The following PPOX variants were observed in gnomAD, a reference collection of about 807,000 sequenced individuals.
The protein encoded by PPOX is variegate porphyria.
In PPOX, 23 loss-of-function variants were observed where a neutral mutation model predicts 54.1. That is an observed-to-expected ratio of 0.43 (90% CI 0.31 to 0.60). The LOEUF is 0.60. Ranked by LOEUF, PPOX falls within the 20% of genes least tolerant of loss-of-function variation. The pLI, the probability that PPOX is intolerant of heterozygous loss-of-function variation, is 0.13. For synonymous variants in PPOX, 224 were observed against 236.1 expected (o/e 0.95, Z 0.47); for missense variants, 512 against 601.1 (o/e 0.85, Z 1.55).
At chr1:161,175,196 G>A (rs1663050042), downstream of PPOX, 4 of 1,613,758 alleles carry the variant, frequency 2.5e-6, no homozygotes, top group Non-Finnish European at 3.4e-6. Flanking sequence ...GCCAGTGATG[G>A]CACTGGGCTA....
In PPOX at chr1:161,168,094, G is replaced by A; in HGVS notation, c.438G>A (p.Val146=). ...KPRGKEPDET[V]HSFAQRRLGP... The stretch of plus-strand genomic sequence containing the variant: ...GGGGCAAAGAGCCTGATGAGACTGT[G>A]CACAGTTTTGCCCAGCGCCGCCTTG... The change falls in exon 5 of 13, where the codon GTG becomes GTA. Residue 146 remains valine (V), a synonymous_variant. Transcript: ENST00000367999. The A allele has an allele frequency of 6.2e-7, 1 of 1,614,152 alleles. No homozygotes were observed. The highest frequency in any genetic ancestry group is 8.5e-7 in the Non-Finnish European group (1 of 1,180,034).
downstream of PPOX, chr1:161,175,340 C>G: frequency 1.1e-6 from 1 of 924,272 alleles, no homozygotes; most frequent in Non-Finnish European, 1.6e-6. Context: ...GCTTAGTTCT[C>G]AGGGCTCACT....
intron 7 of PPOX, 96 bp downstream of exon 7, chr1:161,169,279 A>C: frequency 6.9e-7 from 1 of 1,443,436 alleles, no homozygotes. Context: ...GGAGTTCCTC[A>C]TTGTTTTTGT....
downstream of PPOX, chr1:161,173,495 G>A (rs544601861): frequency 1.6e-5 from 24 of 1,501,356 alleles, no homozygotes; most frequent in South Asian, 2.9e-4. Flanking sequence ...TGGGCTCAGT[G>A]CAGGACCAGG....
chr1:161,166,471 G>T lies in PPOX; in HGVS notation c.-210G>T. On this transcript the variant is annotated 5_prime_UTR_variant, in exon 1 of 13. Transcript: ENST00000367999. The stretch of plus-strand genomic sequence containing the variant: ...CGAAAAGGCTGGGGGTGGGAGTAGC[G>T]GATTTGAAGCACTTGTTGGCCTACA... 1 of 1,238,752 alleles carries T rather than the reference G, an allele frequency of 8.1e-7. No homozygotes were observed. The highest frequency in any genetic ancestry group is 1.0e-6 in the Non-Finnish European group (1 of 977,434). The allele number at this position is 1,238,752 out of a possible 1,614,324, so 76.7% of individuals were successfully genotyped here.
downstream of PPOX, among the ~76,000 whole-genome samples, chr1:161,174,402 C>CAA (rs554703903): frequency 5.4e-5 from 3 of 55,738 alleles, no homozygotes; most frequent in Admixed American, 1.9e-4. Flanking sequence ...AGTGAGATCT[C>CAA]AAAAAAAAAA....
downstream of PPOX, chr1:161,173,869 A>T: frequency 6.2e-7 from 1 of 1,613,694 alleles, no homozygotes; most frequent in Non-Finnish European, 8.5e-7. Flanking sequence ...CTGTATCCAA[A>T]CTTGTTCATA....
downstream of PPOX, chr1:161,171,281 G>T: frequency 6.4e-7 from 1 of 1,573,814 alleles, no homozygotes; most frequent in African/African-American, 1.3e-5. Context: ...GAGGCAAAGT[G>T]TGCCTGGGAT....
At chr1:161,169,592 A>G (rs1388074687) in intron 7 of PPOX, 68 bp from the exon 8 acceptor site, 4 of 1,513,376 alleles carry the variant, frequency 2.6e-6, no homozygotes. Context: ...AGAGTGAGGC[A>G]CCAGAAGTCT....
downstream of PPOX, chr1:161,177,089 T>G (rs1474759217): frequency 2.5e-5 from 36 of 1,468,502 alleles, no homozygotes; most frequent in African/African-American, 7.3e-5. Flanking sequence ...CTAGCGGGGG[T>G]GGGGAGGAGG....
chr1:161,166,584 T>C lies in PPOX; in HGVS notation c.-97T>C, dbSNP rs907513672. Reference sequence around the variant, plus strand: ...GGGCCGATAGCGAGGGTGTGGCCCTTATCTGCACCCAGCAGAGCGCCGGCG... The same window carrying C: ...GGGCCGATAGCGAGGGTGTGGCCCTCATCTGCACCCAGCAGAGCGCCGGCG... On this transcript the variant is annotated 5_prime_UTR_variant, in exon 1 of 13. Coordinates refer to ENST00000367999, the MANE Select transcript of PPOX (RefSeq NM_001122764.3). The C allele has an allele frequency of 2.1e-6, 3 of 1,423,978 alleles. No homozygotes were observed. 88.2% of individuals were successfully genotyped at this position (1,423,978 alleles called of 1,614,324 possible). A position where few individuals can be genotyped will look rare whatever the true frequency, so the allele number is the denominator to read the frequency against.
At position 161,167,129 on chromosome 1, in the gene PPOX, G is replaced by A. The variant is rs746461864; in HGVS notation, c.117G>A (p.Leu39=). ...TCCTAGTGGAGAGCAGTGAGCGTCT[G>A]GGAGGCTGGATTCGCTCCGTTCGAG... ...KVVLVESSER[L]GGWIRSVRGP... The change falls in exon 3 of 13, where the codon CTG becomes CTA. Residue 39 remains leucine (L), a synonymous_variant. Coordinates refer to ENST00000367999, the MANE Select transcript of PPOX (RefSeq NM_001122764.3). The A allele has an allele frequency of 1.9e-5, 31 of 1,614,080 alleles. No homozygotes were observed. The highest frequency in any genetic ancestry group is 2.6e-5 in the Non-Finnish European group (31 of 1,180,050).
At chr1:161,172,218 T>TC, downstream of PPOX, 1 of 1,613,734 alleles carries the variant, frequency 6.2e-7, no homozygotes, top group Non-Finnish European at 8.5e-7. Context: ...AGTCCTTCCT[T>TC]CTTCCTACCT....
At chr1:161,167,055 G>C in intron 2 of PPOX, 45 bp from the exon 3 acceptor site, 2 of 1,614,086 alleles carry the variant, frequency 1.2e-6, no homozygotes, top group Non-Finnish European at 1.7e-6. Flanking sequence ...ACCTCTCGCC[G>C]GCGGCTACAG....
At chr1:161,169,546 A>G in intron 7 of PPOX, 114 bp from the exon 8 acceptor site, 1 of 1,088,244 alleles carries the variant, frequency 9.2e-7, no homozygotes, top group Non-Finnish European at 1.4e-6. Flanking sequence ...GGGTCAGTAC[A>G]CAGTCTCCCC....
chr1:161,168,899 A>G, intron 6 of PPOX, 94 bp from the exon 7 acceptor site: 2 of 1,446,002 alleles, frequency 1.4e-6, no homozygotes, highest in Middle Eastern at 2.4e-4. Flanking sequence ...CCTGACCTCA[A>G]GTGATCCACC....
chr1:161,169,704 T>C lies in PPOX; in HGVS notation c.852T>C (p.Ser284=), dbSNP rs1200572342. 6.2e-7 allele frequency: 1 copy of C among 1,614,082 alleles called. No individual in the cohort carries two copies. Among genetic ancestry groups the C allele is most frequent in the Non-Finnish European group, 8.5e-7 (1 of 1,180,044 alleles). The part of the protein sequence containing the change: ...DSSLEADHVI[S]AIPASVLSEL... Reference sequence around the variant, plus strand: ...GTCTGGAGGCTGACCACGTTATTAGTGCCATTCCAGCTTCAGGTAATGGAA... The same window carrying C: ...GTCTGGAGGCTGACCACGTTATTAGCGCCATTCCAGCTTCAGGTAATGGAA... The change falls in exon 8 of 13, where the codon AGT becomes AGC. Residue 284 remains serine (S), a synonymous_variant. Transcript: ENST00000367999.
At position 161,171,058 on chromosome 1, in the gene PPOX, C is replaced by G; in HGVS notation, c.1316C>G (p.Ala439Gly). Residue 439 changes from alanine (A) to glycine (G), a missense_variant, in exon 13 of 13, where the codon GCT becomes GGT. By Grantham distance (60) the Ala-to-Gly change is moderately conservative (BLOSUM62 0). Transcript: ENST00000367999. ...KLESARQFLT[A>G]HRLPLTLAGA... ...GAGTCAGCTAGGCAATTCCTGACTG[C>G]TCACAGGTTGCCCCTGACTCTGGCT... 3 of 1,614,190 alleles carry G rather than the reference C, an allele frequency of 1.9e-6. No individual in the cohort carries two copies. Among genetic ancestry groups the G allele is most frequent in the Non-Finnish European group, 2.5e-6 (3 of 1,180,030 alleles).
chr1:161,170,995 A>G (rs766552582), intron 12 of PPOX, 39 bp from the exon 13 acceptor site: 2 of 1,614,038 alleles, frequency 1.2e-6, no homozygotes, highest in South Asian at 2.2e-5. Context: ...AGGACATCAG[A>G]CCCCCAGCTA....
Sources: allele counts gnomAD v4.1 joint callset (sites outside exome capture counted in the v4.1 genomes callset), GRCh38; gene constraint gnomAD v4.1.1; transcripts MANE v1.5; gene names NCBI Gene and HGNC (gene_info 2026-07-23, HGNC 2026-07-21).